IGFBP1: variants seen among roughly 807,000 people sequenced by gnomAD.
IGFBP1 encodes insulin-like growth factor-binding protein 1.
In IGFBP1, 31 loss-of-function variants were observed where a neutral mutation model predicts 23.1. That is an observed-to-expected ratio of 1.34 (90% CI 1.01 to 1.81). IGFBP1 has a LOEUF of 1.81. Ranked by LOEUF, IGFBP1 falls within the 40% of genes most tolerant of loss-of-function variation. The probability of loss-of-function intolerance (pLI) is 0.00; values close to 1 mark genes in which losing one functional copy is unlikely to be tolerated. For missense variants in IGFBP1, 333 were observed against 342.2 expected, an observed-to-expected ratio of 0.97 and a Z score of 0.21; for synonymous variants, 148 against 145.5, an observed-to-expected ratio of 1.02 and a Z score of -0.13.
At position 45,892,960 on chromosome 7, in the gene IGFBP1, TG is replaced by T. The variant is rs1562574021; in HGVS notation, c.650del (p.Cys217LeufsTer47). ...NKNGFYHSRQ[C>X]ETSMDGEAGL... ...CTTGACCTTGGTCTTGTCTTTGCAG[TG>T]TGAGACATCCATGGATGGAGAGGCG... On this transcript the variant is annotated frameshift_variant and splice_region_variant, in exon 4 of 4. Transcript: ENST00000275525. LOFTEE classifies it low-confidence loss of function (END_TRUNC). 23 of 1,611,806 alleles carry T rather than the reference TG, an allele frequency of 1.4e-5. No homozygotes were observed. Among genetic ancestry groups the T allele is most frequent in the Non-Finnish European group, 2.0e-5 (23 of 1,178,874 alleles).
At position 45,888,825 on chromosome 7, in the gene IGFBP1, G is replaced by T. The variant is rs1302538902; in HGVS notation, c.173G>T (p.Gly58Val). 3.2e-6 allele frequency: 5 copies of T among 1,551,324 alleles called. No homozygotes were observed. The highest frequency in any genetic ancestry group is 4.3e-6 in the Non-Finnish European group (5 of 1,157,006). ...GAGGTCACCCGGTCCGCCGGCTGCG[G>T]CTGTTGCCCGATGTGCGCCCTGCCT... ...CSEVTRSAGC[G>V]CCPMCALPLG... Residue 58 changes from glycine (G) to valine (V), a missense_variant, in exon 1 of 4, where the codon GGC (glycine) becomes GTC (valine). By Grantham distance (109) the Gly-to-Val change is moderately radical. Transcript: ENST00000275525.
intron 2 of IGFBP1, among the ~76,000 whole-genome samples, chr7:45,891,537 G>T (rs769379568): frequency 6.6e-6 from 1 of 152,218 alleles, no homozygotes; most frequent in East Asian, 1.9e-4. Flanking sequence ...ATCTAGAAAT[G>T]TCTTCTGCTA....
At position 45,893,115 on chromosome 7, in the gene IGFBP1, C is replaced by CAA. The variant is rs767509757; in HGVS notation, c.*25_*26insAA. 2.1e-5 allele frequency: 33 copies of CAA among 1,565,512 alleles called. No homozygotes were observed. The Admixed American group carries it at 4.0e-4, about 19-fold the overall frequency. ...GAAACCAGATGAAATAATGTTCTGTCACGTGAAATATTTAAGTATATAGTA... is the reference window on the plus strand; with the variant it reads ...GAAACCAGATGAAATAATGTTCTGTCAAACGTGAAATATTTAAGTATATAGTA... On this transcript the variant is annotated 3_prime_UTR_variant, in exon 4 of 4. Coordinates refer to ENST00000275525, the MANE Select transcript of IGFBP1 (RefSeq NM_000596.4).
At position 45,888,798 on chromosome 7, in the gene IGFBP1, C is replaced by T. The variant is rs1265229030; in HGVS notation, c.146C>T (p.Ser49Leu). The change falls in exon 1 of 4, where the codon TCG (serine) becomes TTG (leucine). Residue 49 changes from serine (S) to leucine (L), a missense_variant. Coordinates refer to ENST00000275525, the MANE Select transcript of IGFBP1 (RefSeq NM_000596.4). ...ALCPPVSASC[S>L]EVTRSAGCGC... ...TGCCCGCCGGTGTCCGCCTCGTGCTCGGAGGTCACCCGGTCCGCCGGCTGC... is the reference window on the plus strand; with the variant it reads ...TGCCCGCCGGTGTCCGCCTCGTGCTTGGAGGTCACCCGGTCCGCCGGCTGC... The T allele has an allele frequency of 1.3e-6, 2 of 1,571,984 alleles. No individual in the cohort carries two copies. Among genetic ancestry groups the T allele is most frequent in the Non-Finnish European group, 1.7e-6 (2 of 1,167,918 alleles).
rs767935469 is a variant in IGFBP1 at position 45,891,984 on chromosome 7, A to C, written c.572A>C (p.Gln191Pro). The change falls in exon 3 of 4, where the codon CAG becomes CCG. Residue 191 changes from glutamine to proline, a missense_variant. By Grantham distance (76) the Gln-to-Pro change is moderately conservative. Transcript: ENST00000275525. The part of the protein sequence containing the change: ...YRVVESLAKA[Q>P]ETSGEEISKF... ...GTCGTAGAGAGTTTAGCCAAGGCAC[A>C]GGAGACATCAGGAGAAGAAATTTCC... is the stretch of plus-strand genomic sequence containing the variant. 2.5e-6 allele frequency: 4 copies of C among 1,613,870 alleles called. No individual in the cohort carries two copies. Among genetic ancestry groups the C allele is most frequent in the Non-Finnish European group, 8.5e-7 (1 of 1,179,690 alleles).
In IGFBP1 at chr7:45,890,705, C is replaced by A; in HGVS notation, c.507C>A (p.Ile169=). 3 of 1,600,104 alleles carry A rather than the reference C, an allele frequency of 1.9e-6. No individual in the cohort carries two copies. Among genetic ancestry groups the A allele is most frequent in the Non-Finnish European group, 2.6e-6 (3 of 1,174,254 alleles). The change falls in exon 2 of 4, where the codon ATC becomes ATA. Residue 169 remains isoleucine, a synonymous_variant. Coordinates refer to ENST00000275525, the MANE Select transcript of IGFBP1 (RefSeq NM_000596.4). ...DGSKALHVTN[I]KKWKEPCRIE... is the part of the protein sequence containing the mutation. ...CGAAGGCTCTCCATGTCACCAACAT[C>A]AAAAAATGGAAGGTGAGGCCCAGCA...
At position 45,890,707 on chromosome 7, in the gene IGFBP1, A is replaced by G. The variant is rs773682817; in HGVS notation, c.509A>G (p.Lys170Arg). 6.2e-7 allele frequency: 1 copy of G among 1,602,988 alleles called. No homozygotes were observed. ...GSKALHVTNI[K>R]KWKEPCRIEL... ...AAGGCTCTCCATGTCACCAACATCA[A>G]AAAATGGAAGGTGAGGCCCAGCAGG... The change falls in exon 2 of 4, where the codon AAA becomes AGA. Residue 170 changes from lysine to arginine, a missense_variant. Coordinates refer to ENST00000275525, the MANE Select transcript of IGFBP1 (RefSeq NM_000596.4).
chr7:45,892,074 C>G lies in IGFBP1; in HGVS notation c.648+14C>G. The G allele has an allele frequency of 6.2e-7, 1 of 1,613,490 alleles. No individual in the cohort carries two copies. The highest frequency in any genetic ancestry group is 8.5e-7 in the Non-Finnish European group (1 of 1,179,628). On this transcript the variant is annotated intron_variant, in intron 3 of 3. Coordinates refer to ENST00000275525, the MANE Select transcript of IGFBP1 (RefSeq NM_000596.4). ...CACAGCAGACAGGTAGGTGGCCTTG[C>G]CAGTGTGCGTCGTCAGGGTGAAAGG... is the stretch of plus-strand genomic sequence containing the variant.
intron 3 of IGFBP1, 28 bp downstream of exon 3, chr7:45,892,088 CAGGGTGAA>C (rs765385012): frequency 8.7e-6 from 14 of 1,611,844 alleles, no homozygotes; most frequent in Non-Finnish European, 1.2e-5. Context: ...TGTGCGTCGT[CAGGGTGAA>C]AGGGACTACT....
At chr7:45,889,398 G>T (rs997824701) in intron 1 of IGFBP1, among the ~76,000 whole-genome samples, 1 of 152,196 alleles carries the variant, frequency 6.6e-6, no homozygotes, top group African/African-American at 2.4e-5. Context: ...TTGCCAGCAC[G>T]TGGGCAGCCC....
Position 45,890,630 on chromosome 7 carries a change from T to C in IGFBP1, c.432T>C (p.Ser144=), listed in dbSNP as rs150765696. 121 of 1,613,864 alleles carry C rather than the reference T, an allele frequency of 7.5e-5. No individual in the cohort carries two copies. Among genetic ancestry groups the C allele is most frequent in the Non-Finnish European group, 9.9e-5 (117 of 1,179,960 alleles). Residue 144 remains serine, a synonymous_variant, in exon 2 of 4, where the codon TCT becomes TCC. Transcript: ENST00000275525. ...LLDNFHLMAP[S]EEDHSILWDA... ...ATAATTTCCATCTGATGGCCCCTTC[T>C]GAAGAGGATCATTCCATCCTTTGGG...
chr7:45,891,101 A>G (rs1047562632), intron 2 of IGFBP1, among the ~76,000 whole-genome samples: 4 of 152,238 alleles, frequency 2.6e-5, no homozygotes, highest in East Asian at 3.8e-4. Context: ...CATAAAATGT[A>G]CTGTTTTAAC....
chr7:45,892,737 T>C (rs913349873), intron 3 of IGFBP1, among the ~76,000 whole-genome samples: 66 of 152,210 alleles, frequency 4.3e-4, no homozygotes, highest in Middle Eastern at 3.2e-3. Context: ...TTAACACACA[T>C]GGGAAGTCAT....
At chr7:45,890,961 T>C (rs2116548718) in intron 2 of IGFBP1, among the ~76,000 whole-genome samples, 1 of 152,316 alleles carries the variant, frequency 6.6e-6, no homozygotes, top group African/African-American at 2.4e-5. Context: ...TTACTTCATG[T>C]CTCTGAGCTC....
chr7:45,892,783 A>G (rs1227490554), intron 3 of IGFBP1, among the ~76,000 whole-genome samples, 177 bp from the exon 4 acceptor site: 1 of 152,216 alleles, frequency 6.6e-6, no homozygotes, highest in East Asian at 1.9e-4. Flanking sequence ...TCTCTATTTT[A>G]TGATGAGAAC....
intron 2 of IGFBP1, among the ~76,000 whole-genome samples, chr7:45,891,695 G>A (rs376317040): frequency 7.9e-5 from 12 of 152,284 alleles, no homozygotes; most frequent in East Asian, 5.8e-4. Context: ...TTGAGAGAGT[G>A]ATTGGTGAGG....
rs763767506 is a variant in IGFBP1, at chr7:45,890,751, C to A, written c.519+34C>A. 1.9e-6 allele frequency: 3 copies of A among 1,562,596 alleles called. No homozygotes were observed. In the Admixed American group the frequency reaches 5.4e-5, roughly 28 times the overall value. Reference sequence around the variant, plus strand: ...CAGCAGGTGGGTGGTGGGAACTCTCCTGTCAGAGGATGTAGCTTGAGTCGG... The same window carrying A: ...CAGCAGGTGGGTGGTGGGAACTCTCATGTCAGAGGATGTAGCTTGAGTCGG... On this transcript the variant is annotated intron_variant, in intron 2 of 3. Transcript: ENST00000275525.
intron 2 of IGFBP1, among the ~76,000 whole-genome samples, chr7:45,891,654 G>A (rs9658215): frequency 3.9e-5 from 6 of 152,192 alleles, no homozygotes; most frequent in Non-Finnish European, 7.3e-5. Flanking sequence ...TGTTGGTGAG[G>A]CTCTTGCCAG....
At chr7:45,889,715 C>T (rs1279743490) in intron 1 of IGFBP1, among the ~76,000 whole-genome samples, 1 of 152,228 alleles carries the variant, frequency 6.6e-6, no homozygotes, top group Non-Finnish European at 1.5e-5. Context: ...CAGCCCCTAT[C>T]TCCTCATCTG....
Sources: allele counts gnomAD v4.1 joint callset (sites outside exome capture counted in the v4.1 genomes callset), GRCh38; gene constraint gnomAD v4.1.1; transcripts MANE v1.5; gene names NCBI Gene and HGNC (gene_info 2026-07-23, HGNC 2026-07-21).